Variants in AP1M1 observed in about 807,000 individuals in gnomAD.
The protein encoded by AP1M1 is AP-1 complex subunit mu-1.
Under a neutral mutation model 57.1 loss-of-function variants are expected in AP1M1, and 18 were observed. The observed-to-expected ratio is 0.32, with a 90% CI of 0.22 to 0.47. The LOEUF (loss-of-function observed/expected upper bound fraction) is 0.47. Ranked by LOEUF, AP1M1 falls within the 20% of genes least tolerant of loss-of-function variation. The pLI is 1.00. For missense variants in AP1M1, 362 were observed against 593.5 expected (o/e 0.61, Z 4.05); for synonymous variants, 241 against 237.9 (o/e 1.01, Z -0.12).
rs904296271 is a variant in AP1M1 at position 16,237,604 on chromosome 19, G to A, written c.*3169G>A. 7 of 151,368 alleles carry A rather than the reference G, an allele frequency of 4.6e-5. No homozygotes were observed. The highest frequency in any genetic ancestry group is 8.8e-5 in the Non-Finnish European group (6 of 67,890). The allele number at this position is 151,368 out of a possible 1,614,324, so 9.4% of individuals were successfully genotyped here. ...CAAAATTAGCCAGGCATGGTGGCGG[G>A]CGCCTGTAATCCCAGCTACTTGGGA... On this transcript the variant is annotated 3_prime_UTR_variant, in exon 12 of 12. Transcript: ENST00000291439.
chr19:16,216,631 C>A (rs536372862), intron 5 of AP1M1, among the ~76,000 whole-genome samples: 1 of 152,222 alleles, frequency 6.6e-6, no homozygotes, highest in South Asian at 2.1e-4. Flanking sequence ...TATTTGATGA[C>A]CCTGGGGGTT....
chr19:16,226,692 C>A, intron 6 of AP1M1, 145 bp downstream of exon 6: 1 of 1,041,420 alleles, frequency 9.6e-7, no homozygotes, highest in Non-Finnish European at 1.4e-6. Flanking sequence ...CTTGAGACAG[C>A]TGTGTAGAGT....
intron 5 of AP1M1, among the ~76,000 whole-genome samples, chr19:16,215,463 CAAAAAAAAAAA>C (rs59357311): frequency 5.5e-4 from 17 of 31,008 alleles, no homozygotes; most frequent in South Asian, 1.8e-3. Flanking sequence ...GATTCCATCT[CAAAAAAAAAAA>C]AAAAAAAAAA....
At chr19:16,234,333 C>T in intron 11 of AP1M1, 59 bp downstream of exon 11, 2 of 1,613,206 alleles carry the variant, frequency 1.2e-6, no homozygotes, top group Non-Finnish European at 1.7e-6. Flanking sequence ...GTGGCTGCCC[C>T]CAGGGTGGAG....
intron 9 of AP1M1, among the ~76,000 whole-genome samples, chr19:16,232,363 G>A (rs938366872): frequency 6.6e-6 from 1 of 152,230 alleles, no homozygotes; most frequent in Non-Finnish European, 1.5e-5. Flanking sequence ...TCAACGTGAC[G>A]ACACAGGCTG....
rs1467424046 is a variant in AP1M1, at chr19:16,197,988, C to T, written c.-39C>T. ...CAGTCCCCACCGTCGCTGCCGCCGC[C>T]ACCGCCCTCGGCCGCTGCCGAGGCC... On this transcript the variant is annotated 5_prime_UTR_variant, in exon 1 of 12. Coordinates refer to ENST00000291439, the MANE Select transcript of AP1M1 (RefSeq NM_032493.4). 1 of 1,545,520 alleles carries T rather than the reference C, an allele frequency of 6.5e-7. No individual in the cohort carries two copies. Among genetic ancestry groups the T allele is most frequent in the South Asian group, 1.2e-5 (1 of 84,708 alleles).
chr19:16,224,559 C>T (rs4808037), intron 5 of AP1M1, among the ~76,000 whole-genome samples: 13,540 of 152,312 alleles, frequency 0.089, 878 homozygotes, highest in East Asian at 0.27. Context: ...CTGGGAAGGG[C>T]ACCGGCTCTG....
intron 9 of AP1M1, 108 bp downstream of exon 9, chr19:16,229,036 G>A: frequency 9.1e-6 from 12 of 1,324,856 alleles, no homozygotes; most frequent in Non-Finnish European, 1.3e-5. Context: ...AGTGGCCACT[G>A]TGTCTTCCAC....
chr19:16,219,624 C>T (rs915621079), intron 5 of AP1M1, among the ~76,000 whole-genome samples: 2 of 152,170 alleles, frequency 1.3e-5, no homozygotes, highest in African/African-American at 4.8e-5. Flanking sequence ...TCTCGAACTC[C>T]TGACCTCAGG....
chr19:16,221,269 G>A (rs1474043632), intron 5 of AP1M1, among the ~76,000 whole-genome samples: 2 of 152,198 alleles, frequency 1.3e-5, no homozygotes, highest in Non-Finnish European at 2.9e-5. Context: ...CAGAATGCTT[G>A]TTCCTCGGTA....
chr19:16,225,463 G>C (rs2091567151), intron 5 of AP1M1, among the ~76,000 whole-genome samples: 1 of 152,178 alleles, frequency 6.6e-6, no homozygotes, highest in Non-Finnish European at 1.5e-5. Flanking sequence ...CGGGGCCTCT[G>C]ATCTGTGCCT....
intron 2 of AP1M1, among the ~76,000 whole-genome samples, chr19:16,204,265 T>A (rs2091460803): frequency 6.6e-6 from 1 of 151,910 alleles, no homozygotes; most frequent in Non-Finnish European, 1.5e-5. Flanking sequence ...CCCCCCACCC[T>A]TCCTGTCCTT....
intron 5 of AP1M1, among the ~76,000 whole-genome samples, chr19:16,214,156 C>G (rs2091507725): frequency 6.7e-6 from 1 of 149,974 alleles, no homozygotes; most frequent in Non-Finnish European, 1.5e-5. Context: ...TCAAGTGATT[C>G]TCCTGCCTCA....
At chr19:16,226,297 G>A in intron 5 of AP1M1, 124 bp from the exon 6 acceptor site, 1 of 1,336,632 alleles carries the variant, frequency 7.5e-7, no homozygotes, top group Non-Finnish European at 1.0e-6. Context: ...ATGCCCAGGA[G>A]AGGGATGGGC....
intron 5 of AP1M1, among the ~76,000 whole-genome samples, chr19:16,222,208 A>ATTTTTTT (rs1438007288): frequency 1.5e-5 from 1 of 68,792 alleles, no homozygotes; most frequent in African/African-American, 3.9e-5. Context: ...TATTATTATT[A>ATTTTTTT]TTATTTTTTT....
At chr19:16,230,675 A>G (rs2091592053) in intron 9 of AP1M1, among the ~76,000 whole-genome samples, 1 of 152,170 alleles carries the variant, frequency 6.6e-6, no homozygotes, top group Non-Finnish European at 1.5e-5. Context: ...CTGAGATTAC[A>G]GGTGTGGGCC....
At chr19:16,218,997 T>C (rs1276822917) in intron 5 of AP1M1, among the ~76,000 whole-genome samples, 1 of 152,178 alleles carries the variant, frequency 6.6e-6, no homozygotes, top group Non-Finnish European at 1.5e-5. Flanking sequence ...GGATGTTAGC[T>C]GTAGGTTTAT....
chr19:16,244,790 A>ACTGCAGT lies in AP1M1; in HGVS notation c.*10357_*10363dup, dbSNP rs1485422954. 1.3e-5 allele frequency: 2 copies of ACTGCAGT among 151,752 alleles called. No homozygotes were observed. Among genetic ancestry groups the ACTGCAGT allele is most frequent in the African/African-American group, 4.9e-5 (2 of 41,166 alleles). 9.4% of individuals were successfully genotyped at this position (151,752 alleles called of 1,614,324 possible). A position where few individuals can be genotyped will look rare whatever the true frequency, so the allele number is the denominator to read the frequency against. On this transcript the variant is annotated 3_prime_UTR_variant, in exon 12 of 12. Transcript: ENST00000291439. Reference sequence around the variant, plus strand: ...GCTTGCAGTGAGCCGAGATTGCGCCACTGCAGTCCGCAGTCCGGCCTGGGC... The same window carrying ACTGCAGT: ...GCTTGCAGTGAGCCGAGATTGCGCCACTGCAGTCTGCAGTCCGCAGTCCGGCCTGGGC...
In AP1M1 at chr19:16,228,141, A is replaced by G. The variant is rs897752772; in HGVS notation, c.821A>G (p.Lys274Arg). ...LMSYRLNTHV[K>R]PLIWIESVIE... ...CCTCTTTGCCCTCCTTGGCAGGTCA[A>G]GCCTTTGATATGGATCGAGTCGGTG... The change falls in exon 8 of 12, where the codon AAG becomes AGG. Residue 274 changes from lysine to arginine, a missense_variant. Physicochemically the swap from Lys to Arg is conservative, Grantham distance 26 (BLOSUM62 2). Around this residue, in one of 2 missense-constraint regions of AP1M1, gnomAD observed 337 missense variants for 511.1 expected, o/e 0.66. Transcript: ENST00000291439. This position sits in a 1 kb window ranked among gnomAD's most constrained non-coding sequence, Gnocchi z 5.0. 6.2e-7 allele frequency: 1 copy of G among 1,613,916 alleles called. No homozygotes were observed. Among genetic ancestry groups the G allele is most frequent in the Non-Finnish European group, 8.5e-7 (1 of 1,180,010 alleles).
Sources: gnomAD v4.1 joint callset for allele counts (sites outside exome capture counted in the v4.1 genomes callset) on GRCh38, gnomAD v4.1.1 for gene constraint, gnomAD v4.1.1 regional missense constraint, Gnocchi (gnomAD v3.1) non-coding constraint, MANE v1.5 for transcripts, NCBI Gene and HGNC (gene_info 2026-07-23, HGNC 2026-07-21) for gene names.